The following ETFB variants were observed in gnomAD, a reference collection of about 807,000 sequenced individuals.
The protein encoded by ETFB is beta-ETF.
In ETFB, 20 loss-of-function variants were observed where a neutral mutation model predicts 25.6. The ratio of observed to expected loss-of-function variants is 0.78; its 90% CI spans 0.55 to 1.14. The LOEUF (loss-of-function observed/expected upper bound fraction) is 1.14, where lower values mean the gene tolerates loss of function less well. Among genes scored for constraint, ETFB ranks in the 50% most tolerant of loss-of-function variants. The pLI, the probability that ETFB is intolerant of heterozygous loss-of-function variation, is 0.00. For missense variants in ETFB, 286 were observed against 342.6 expected (o/e 0.83, Z 1.30); for synonymous variants, 142 against 146.7 (o/e 0.97, Z 0.23).
intron 3 of ETFB, among the ~76,000 whole-genome samples, chr19:51,351,754 C>T (rs1253584972): frequency 6.6e-6 from 1 of 152,200 alleles, no homozygotes; most frequent in Non-Finnish European, 1.5e-5. Context: ...CTGGGCAGGA[C>T]ACCCAGTGAC....
chr19:51,349,590 C>T (rs117815363), intron 4 of ETFB, among the ~76,000 whole-genome samples: 1,576 of 152,030 alleles, frequency 0.01, 14 homozygotes, highest in Middle Eastern at 0.024. Flanking sequence ...GTACTACAGG[C>T]ATGTGCCATC....
Position 51,350,683 on chromosome 19 carries a change from A to G in ETFB, c.376-292T>C, listed in dbSNP as rs139913876. ...TATTTTCAGTAGAGACAGGGTTTCA[A>G]CATGTTGGCCAGGCTGGTCTTGAAC... On this transcript the variant is annotated intron_variant, in intron 3 of 5. Coordinates refer to ENST00000309244, the MANE Select transcript of ETFB (RefSeq NM_001985.3). Among the ~76,000 whole-genome samples, 1,781 of 152,098 alleles carry G rather than the reference A, an allele frequency of 0.012. 28 individuals are homozygous for G. The highest frequency in any genetic ancestry group is 0.04 in the African/African-American group (1,674 of 41,462).
intron 4 of ETFB, chr19:51,348,363 C>G (rs1985847925): frequency 6.6e-6 from 1 of 152,208 alleles, no homozygotes; most frequent in Admixed American, 6.6e-5. Flanking sequence ...CTGCAGTGAG[C>G]CAAGATCGCG....
At chr19:51,354,414 G>T (rs780209598) in intron 1 of ETFB, 106 bp from the exon 2 acceptor site, 1 of 1,614,046 alleles carries the variant, frequency 6.2e-7, no homozygotes, top group Middle Eastern at 1.6e-4. Context: ...CGACAGCCTG[G>T]AAAGGGGCAG....
At chr19:51,359,049 G>A (rs73560149) in intron 1 of ETFB, among the ~76,000 whole-genome samples, 2 of 151,946 alleles carry the variant, frequency 1.3e-5, no homozygotes, top group African/African-American at 4.8e-5. Flanking sequence ...AGCTGGAAGA[G>A]GAGAGGAAAG....
chr19:51,354,176 C>T lies in ETFB; in HGVS notation c.190G>A (p.Val64Ile), dbSNP rs989233154. ...EKKLVKEVIA[V>I]SCGPAQCQET... The stretch of plus-strand genomic sequence containing the variant: ...TGGCACTGTGCAGGCCCACAGCTGA[C>T]GGCGATGACCTCCTTCACCAGCTTC... The change falls in exon 2 of 6, where the codon GTC (valine) becomes ATC (isoleucine). Residue 64 changes from valine (V) to isoleucine (I), a missense_variant. Coordinates refer to ENST00000309244, the MANE Select transcript of ETFB (RefSeq NM_001985.3). 8.7e-6 allele frequency: 14 copies of T among 1,613,988 alleles called. No homozygotes were observed. Among genetic ancestry groups the T allele is most frequent in the Admixed American group, 1.7e-5 (1 of 60,002 alleles).
At chr19:51,349,947 A>G (rs1181493186) in intron 4 of ETFB, among the ~76,000 whole-genome samples, 1 of 152,050 alleles carries the variant, frequency 6.6e-6, no homozygotes, top group East Asian at 1.9e-4. Flanking sequence ...AGGTTTCAAC[A>G]TGTTGACCAG....
At chr19:51,366,219 G>A (rs749447765) in intron 1 of ETFB, 51 bp downstream of exon 1, 6 of 1,573,886 alleles carry the variant, frequency 3.8e-6, no homozygotes, top group Non-Finnish European at 4.4e-6. Context: ...CGTGGCCCCG[G>A]AAGCACACGG....
chr19:51,346,797 T>G (rs1023320012), intron 5 of ETFB, 103 bp downstream of exon 5: 7 of 1,191,920 alleles, frequency 5.9e-6, no homozygotes, highest in Non-Finnish European at 7.0e-6. Flanking sequence ...GCACGAGACC[T>G]CCTTTGGATC....
At chr19:51,351,091 C>T (rs1382817407) in intron 3 of ETFB, among the ~76,000 whole-genome samples, 1 of 152,220 alleles carries the variant, frequency 6.6e-6, no homozygotes. Flanking sequence ...TATAAAGCCT[C>T]TCAGGAGTCC....
chr19:51,363,527 CA>C (rs1244495506), intron 1 of ETFB, among the ~76,000 whole-genome samples: 7 of 152,102 alleles, frequency 4.6e-5, no homozygotes, highest in Non-Finnish European at 1.0e-4. Flanking sequence ...TGGCTCACTG[CA>C]ACCTCTGCCT....
At chr19:51,350,759 C>A (rs1985916286) in intron 3 of ETFB, among the ~76,000 whole-genome samples, 1 of 152,136 alleles carries the variant, frequency 6.6e-6, no homozygotes, top group African/African-American at 2.4e-5. Context: ...GCATGAGTCA[C>A]CGCAGCCAGT....
chr19:51,364,844 C>T (rs922107817), intron 1 of ETFB, among the ~76,000 whole-genome samples: 1 of 152,166 alleles, frequency 6.6e-6, no homozygotes, highest in African/African-American at 2.4e-5. Flanking sequence ...CACTTACTGG[C>T]TGGGAGATCT....
At chr19:51,353,876 C>A (rs74176138) in intron 2 of ETFB, among the ~76,000 whole-genome samples, 14 of 22,124 alleles carry the variant, frequency 6.3e-4, no homozygotes, top group Non-Finnish European at 8.3e-4. Flanking sequence ...GGCCCCCATC[C>A]CCTTCTTCCT....
chr19:51,352,206 C>T (rs1216711430), intron 3 of ETFB, among the ~76,000 whole-genome samples: 1 of 152,094 alleles, frequency 6.6e-6, no homozygotes, highest in African/African-American at 2.4e-5. Context: ...CATTCCAGTC[C>T]ATTCTCAAAG....
rs1349543574 is a variant in ETFB, at chr19:51,365,364, C to T, written c.57+906G>A. ...AGTCTGGCTCCTGTACCCTCTTCCC[C>T]AGCCCACTCCCTAAGCAGGCAGGGG... On this transcript the variant is annotated intron_variant, in intron 1 of 5. Coordinates refer to ENST00000309244, the MANE Select transcript of ETFB (RefSeq NM_001985.3). 4 of 152,342 alleles carry T rather than the reference C, an allele frequency of 2.6e-5. No individual in the cohort carries two copies. In the East Asian group the frequency reaches 7.7e-4, roughly 29 times the overall value. 9.4% of individuals were successfully genotyped at this position (152,342 alleles called of 1,614,324 possible).
At chr19:51,349,049 ATTCCGTT>A (rs1985867130) in intron 4 of ETFB, among the ~76,000 whole-genome samples, 2 of 152,200 alleles carry the variant, frequency 1.3e-5, no homozygotes, top group Admixed American at 1.3e-4. Context: ...CCGTACAACC[ATTCCGTT>A]TTTTTAGTTC....
intron 2 of ETFB, 118 bp from the exon 3 acceptor site, chr19:51,353,408 G>C: frequency 1.2e-6 from 1 of 864,110 alleles, no homozygotes. Flanking sequence ...TCCTTCCTCA[G>C]ACCCAGGAGT....
chr19:51,345,425 C>T, intron 5 of ETFB, 44 bp from the exon 6 acceptor site: 2 of 1,598,994 alleles, frequency 1.3e-6, no homozygotes, highest in Non-Finnish European at 8.6e-7. Context: ...GGAACTCCTG[C>T]CACCCTTCCT....
Sources: allele counts gnomAD v4.1 joint callset (sites outside exome capture counted in the v4.1 genomes callset), GRCh38; gene constraint gnomAD v4.1.1; transcripts MANE v1.5; gene names NCBI Gene and HGNC (gene_info 2026-07-23, HGNC 2026-07-21).